Variants in MGST3 observed in about 807,000 individuals in gnomAD.
The protein encoded by MGST3 is glutathione S-transferase 3, mitochondrial.
A neutral mutation model predicts 15.8 loss-of-function variants in MGST3; 13 were observed. The ratio of observed to expected loss-of-function variants is 0.82; its 90% CI spans 0.54 to 1.31. MGST3 has a LOEUF of 1.31. Ranked by LOEUF, MGST3 falls within the 50% of genes most tolerant of loss-of-function variation. MGST3 has a pLI of 0.00. For synonymous variants in MGST3, 49 were observed against 68.1 expected (o/e 0.72, Z 1.38); for missense variants, 155 against 192.4 (o/e 0.81, Z 1.15).
intron 3 of MGST3, 72 bp downstream of exon 3, chr1:165,651,159 T>C (rs1648544544): frequency 7.9e-7 from 1 of 1,270,298 alleles, no homozygotes; most frequent in Non-Finnish European, 1.2e-6. Flanking sequence ...CCTCAGCCCT[T>C]AGTGCGCTGT....
Position 165,655,657 on chromosome 1 carries a change from T to C in MGST3, c.*153T>C. ...TACCACTCATTTCCGTTTGAGTCTGTATCTGAAATCAGTAGCCTAGTCCTA... is the reference window on the plus strand; with the variant it reads ...TACCACTCATTTCCGTTTGAGTCTGCATCTGAAATCAGTAGCCTAGTCCTA... On this transcript the variant is annotated 3_prime_UTR_variant, in exon 6 of 6. Coordinates refer to ENST00000367889, the MANE Select transcript of MGST3 (RefSeq NM_004528.4). 1.1e-6 allele frequency: 1 copy of C among 925,168 alleles called. No individual in the cohort carries two copies. Among genetic ancestry groups the C allele is most frequent in the Middle Eastern group, 3.4e-4 (1 of 2,914 alleles). 57.3% of individuals were successfully genotyped at this position (925,168 alleles called of 1,614,324 possible).
intron 1 of MGST3, among the ~76,000 whole-genome samples, chr1:165,634,366 A>G (rs1263029682): frequency 6.6e-6 from 1 of 152,160 alleles, no homozygotes; most frequent in Non-Finnish European, 1.5e-5. Flanking sequence ...GAGTAATATC[A>G]TAGGGATGCT....
rs1410628217 is a variant in MGST3, at chr1:165,631,949, T to C, written c.-8+656T>C. 7 of 379,044 alleles carry C rather than the reference T, an allele frequency of 1.8e-5. No homozygotes were observed. In the Admixed American group the frequency reaches 1.9e-4, roughly 10 times the overall value. The allele number at this position is 379,044 out of a possible 1,614,324, so 23.5% of individuals were successfully genotyped here. ...GGTGGGGGACTCTTCAGGTTCTTCC[T>C]TGGATTTCAGAAAATGCCCCTTCTT... On this transcript the variant is annotated intron_variant, in intron 1 of 5. Coordinates refer to ENST00000367889, the MANE Select transcript of MGST3 (RefSeq NM_004528.4).
At chr1:165,654,206 A>G in intron 4 of MGST3, 73 bp from the exon 5 acceptor site, 1 of 1,408,774 alleles carries the variant, frequency 7.1e-7, no homozygotes. Context: ...CATATTGTGT[A>G]ATCAACCCTA....
chr1:165,638,106 G>A (rs1009716677), intron 1 of MGST3, among the ~76,000 whole-genome samples: 1 of 152,106 alleles, frequency 6.6e-6, no homozygotes, highest in Non-Finnish European at 1.5e-5. Context: ...ACTTGATAAT[G>A]TACTCCAAAA....
intron 1 of MGST3, chr1:165,645,960 G>A (rs1039089512): frequency 3.3e-5 from 5 of 152,176 alleles, no homozygotes; most frequent in African/African-American, 1.2e-4. Flanking sequence ...GGACTGTTTG[G>A]ACTGTGTGTA....
At chr1:165,634,484 C>A (rs1443466417) in intron 1 of MGST3, among the ~76,000 whole-genome samples, 1 of 152,030 alleles carries the variant, frequency 6.6e-6, no homozygotes, top group African/African-American at 2.4e-5. Flanking sequence ...TTGATTTCTC[C>A]TACTTTTCTT....
chr1:165,637,541 A>C (rs952869856), intron 1 of MGST3, among the ~76,000 whole-genome samples: 7 of 152,238 alleles, frequency 4.6e-5, no homozygotes, highest in African/African-American at 1.4e-4. Context: ...CCTTTACCCC[A>C]GGAGTGTTCT....
intron 1 of MGST3, chr1:165,647,277 C>T (rs1229169090): frequency 6.6e-6 from 1 of 151,612 alleles, no homozygotes; most frequent in Non-Finnish European, 1.5e-5. Context: ...ATTATAGATT[C>T]TAACTGTGGA....
At chr1:165,632,284 G>A (rs779783610) in intron 1 of MGST3, 41 of 1,612,360 alleles carry the variant, frequency 2.5e-5, no homozygotes, top group Admixed American at 3.3e-5. Context: ...GGTATGTGCT[G>A]TTGGGCCTAG....
intron 1 of MGST3, among the ~76,000 whole-genome samples, chr1:165,643,509 A>C (rs1648311620): frequency 6.6e-6 from 1 of 151,776 alleles, no homozygotes; most frequent in Non-Finnish European, 1.5e-5. Context: ...ACTAGAGCCC[A>C]GGAGTTCGAG....
At chr1:165,647,616 C>A (rs567904486) in intron 1 of MGST3, 2 of 152,210 alleles carry the variant, frequency 1.3e-5, no homozygotes, top group African/African-American at 4.8e-5. Flanking sequence ...AGCCCAGCAT[C>A]CTGTCCAAAG....
chr1:165,632,985 T>C (rs1647994121), intron 1 of MGST3, among the ~76,000 whole-genome samples: 1 of 152,258 alleles, frequency 6.6e-6, no homozygotes, highest in Non-Finnish European at 1.5e-5. Context: ...TTGTGCCCTA[T>C]GTTTATACTT....
rs969566761 is a variant in MGST3 at position 165,649,923 on chromosome 1, G to A, written c.76G>A (p.Ala26Thr). Residue 26 changes from alanine (A) to threonine (T), a missense_variant, in exon 2 of 6, where the codon GCC becomes ACC. By Grantham distance (58) the Ala-to-Thr change is moderately conservative. Transcript: ENST00000367889. ...AASFIMVAHL[A>T]INVSKARKKY... ...CAGCTTTATAATGGTGGCCCACCTA[G>A]CCATCAATGTTTCCAAGGCCCGCAA... 1.9e-6 allele frequency: 3 copies of A among 1,614,054 alleles called. No individual in the cohort carries two copies. The highest frequency in any genetic ancestry group is 2.5e-6 in the Non-Finnish European group (3 of 1,180,040).
In MGST3 at chr1:165,655,626, G is replaced by T; in HGVS notation, c.*122G>T. 8.4e-7 allele frequency: 1 copy of T among 1,186,664 alleles called. No individual in the cohort carries two copies. Among genetic ancestry groups the T allele is most frequent in the South Asian group, 1.4e-5 (1 of 73,606 alleles). The allele number at this position is 1,186,664 out of a possible 1,614,324, so 73.5% of individuals were successfully genotyped here. A position where few individuals can be genotyped will look rare whatever the true frequency, so the allele number is the denominator to read the frequency against. On this transcript the variant is annotated 3_prime_UTR_variant, in exon 6 of 6. Coordinates refer to ENST00000367889, the MANE Select transcript of MGST3 (RefSeq NM_004528.4). ...CATCAGCCTCATACCTAAAACTCCT[G>T]ACTCTTACCACTCATTTCCGTTTGA...
chr1:165,650,148 C>A (rs1201058639), intron 2 of MGST3, 184 bp downstream of exon 2: 4 of 758,262 alleles, frequency 5.3e-6, no homozygotes, highest in African/African-American at 5.3e-5. Flanking sequence ...CAGGGCCCTG[C>A]TAGGGAGTAG....
chr1:165,651,205 C>T (rs1427659272), intron 3 of MGST3, 118 bp downstream of exon 3: 1 of 860,322 alleles, frequency 1.2e-6, no homozygotes, highest in Non-Finnish European at 2.0e-6. Context: ...CAATCATGGG[C>T]ACCTCATTAA....
Position 165,640,092 on chromosome 1 carries a change from A to G in MGST3, c.-8+8799A>G, listed in dbSNP as rs9333414. On this transcript the variant is annotated intron_variant, in intron 1 of 5. Coordinates refer to ENST00000367889, the MANE Select transcript of MGST3 (RefSeq NM_004528.4). ...ATTACTTTTGAAGGATGGAGAACCT[A>G]GAACTCTGACTCATTTGACTATGGG... Among the ~76,000 whole-genome samples the G allele has an allele frequency of 9.8e-3, 1,499 of 152,336 alleles. 52 individuals are homozygous for G. Among genetic ancestry groups the G allele is most frequent in the Admixed American group, 0.059 (904 of 15,304 alleles).
intron 1 of MGST3, among the ~76,000 whole-genome samples, chr1:165,634,800 C>CTCCCTCCCTCCCTCTCCCTCCCTCCCT (rs1383199780): frequency 5.7e-5 from 1 of 17,608 alleles, no homozygotes; most frequent in Non-Finnish European, 1.2e-4. Context: ...TCCCTCCCCC[C>CTCCCTCCCTCCCTCTCCCTCCCTCCCT]CACTCTCAAC....
Sources: allele counts gnomAD v4.1 joint callset (sites outside exome capture counted in the v4.1 genomes callset), GRCh38; gene constraint gnomAD v4.1.1; transcripts MANE v1.5; gene names NCBI Gene and HGNC (gene_info 2026-07-23, HGNC 2026-07-21).